HGSNAT: variants seen among roughly 807,000 people sequenced by gnomAD.
HGSNAT encodes the protein heparan-alpha-glucosaminide N-acetyltransferase.
A neutral mutation model predicts 85.2 loss-of-function variants in HGSNAT; 59 were observed. That is an observed-to-expected ratio of 0.69 (90% CI 0.56 to 0.86). The LOEUF is 0.86. Ranked by LOEUF, HGSNAT falls within the 40% of genes least tolerant of loss-of-function variation. The pLI is 0.00. For missense variants in HGSNAT, 756 were observed against 777.1 expected, an observed-to-expected ratio of 0.97 and a Z score of 0.32; for synonymous variants, 321 against 304.5, an observed-to-expected ratio of 1.05 and a Z score of -0.56.
In HGSNAT at chr8:43,201,635, C is replaced by T. The variant is rs1459420506; in HGVS notation, c.*2066C>T. On this transcript the variant is annotated 3_prime_UTR_variant, in exon 18 of 18. Transcript: ENST00000379644. The surrounding 1 kb of genome is among the most constrained non-coding windows in gnomAD (Gnocchi z 4.4). ...CTCTGGGTTCTTATAATGTTGGTAT[C>T]AATCTCACAGCATTTAGTGCTTCCT... The T allele has an allele frequency of 6.6e-6, 1 of 152,242 alleles. No individual in the cohort carries two copies. Among genetic ancestry groups the T allele is most frequent in the Non-Finnish European group, 1.5e-5 (1 of 68,072 alleles). The allele number at this position is 152,242 out of a possible 1,614,324, so 9.4% of individuals were successfully genotyped here.
chr8:43,197,405 C>A (rs1046408211), intron 15 of HGSNAT: 11 of 546,370 alleles, frequency 2.0e-5, no homozygotes, highest in African/African-American at 1.7e-4. Context: ...TCATCCTGAC[C>A]GCAGCCATGC....
At chr8:43,195,564 G>C (rs1465471416) in intron 14 of HGSNAT, among the ~76,000 whole-genome samples, 2 of 147,482 alleles carry the variant, frequency 1.4e-5, no homozygotes, top group Non-Finnish European at 3.0e-5. Context: ...GGAGGATGAG[G>C]AGGAAGAGGG....
At chr8:43,186,080 G>T in intron 11 of HGSNAT, among the ~76,000 whole-genome samples, 1 of 152,164 alleles carries the variant, frequency 6.6e-6, no homozygotes, top group Non-Finnish European at 1.5e-5. Context: ...GTTCATCAGG[G>T]ATATTGGTCT....
chr8:43,169,185 T>A lies in HGSNAT; in HGVS notation c.576T>A (p.Phe192Leu), dbSNP rs1563366828. 2 of 1,567,218 alleles carry A rather than the reference T, an allele frequency of 1.3e-6. No individual in the cohort carries two copies. ...TATTTATTTTCAGTTTGGATGACTT[T>A]AACAATTGGATTTCTAAAGCCATAA... ...FLRLLLSLDDFNNWISKAISS... is the reference protein window; with the variant it reads ...FLRLLLSLDDLNNWISKAISS... Residue 192 changes from phenylalanine to leucine, a missense_variant, in exon 6 of 18, where the codon TTT becomes TTA. Coordinates refer to ENST00000379644, the MANE Select transcript of HGSNAT (RefSeq NM_152419.3).
rs1433189448 is a variant in HGSNAT at position 43,192,203 on chromosome 8, C to T, written c.1251-101C>T. The T allele has an allele frequency of 7.5e-6, 10 of 1,340,378 alleles. No individual in the cohort carries two copies. In the East Asian group the frequency reaches 2.4e-4, roughly 32 times the overall value. 83.0% of individuals were successfully genotyped at this position (1,340,378 alleles called of 1,614,324 possible). On this transcript the variant is annotated intron_variant, in intron 12 of 17. Transcript: ENST00000379644. ...TTGGCCTCCCAAAGTGTTGGGATTA[C>T]AGGCGTGAGCCACCGTGCCCGGCCT... is the stretch of plus-strand genomic sequence containing the variant.
chr8:43,182,443 CTG>C (rs1329623436), intron 11 of HGSNAT, 183 bp downstream of exon 11: 4 of 648,420 alleles, frequency 6.2e-6, no homozygotes, highest in African/African-American at 3.8e-5. Context: ...TGGCCAGAAA[CTG>C]TGTTCTTGTT....
At chr8:43,152,020 G>C (rs1260553345) in intron 2 of HGSNAT, among the ~76,000 whole-genome samples, 1 of 152,206 alleles carries the variant, frequency 6.6e-6, no homozygotes, top group African/African-American at 2.4e-5. Context: ...TGGATGCAGT[G>C]GTTCATACGT....
At chr8:43,196,201 A>G in intron 14 of HGSNAT, 1 of 326,562 alleles carries the variant, frequency 3.1e-6, no homozygotes, top group Non-Finnish European at 6.0e-6. Context: ...GCAAGGATTG[A>G]ATAAGTTAAT....
chr8:43,181,271 C>T (rs537838853), intron 10 of HGSNAT, among the ~76,000 whole-genome samples: 1 of 150,566 alleles, frequency 6.6e-6, no homozygotes, highest in Non-Finnish European at 1.5e-5. Context: ...CGGCAGTTCA[C>T]GAATCCACCT....
chr8:43,151,832 A>G lies in HGSNAT; in HGVS notation c.234+4769A>G, dbSNP rs76431342. Among the ~76,000 whole-genome samples the G allele has an allele frequency of 1.8e-3, 273 of 152,324 alleles. 1 individual carries two copies. Among genetic ancestry groups the G allele is most frequent in the Non-Finnish European group, 2.9e-3 (196 of 68,024 alleles). ...TTTAGGTCTGTCTCATTTAACTTAC[A>G]ACACTCCAGTAGAGAGATTCTATCC... On this transcript the variant is annotated intron_variant, in intron 2 of 17. Transcript: ENST00000379644.
chr8:43,158,760 T>C, intron 3 of HGSNAT, 49 bp downstream of exon 3: 1 of 1,547,098 alleles, frequency 6.5e-7, no homozygotes, highest in Non-Finnish European at 8.7e-7. Context: ...ATTTTCTCTT[T>C]TTCTATTTTG....
At chr8:43,155,976 G>C (rs745615383) in intron 2 of HGSNAT, among the ~76,000 whole-genome samples, 61 of 152,204 alleles carry the variant, frequency 4.0e-4, no homozygotes, top group Middle Eastern at 6.8e-3. Context: ...GAGTAGCTGG[G>C]ATTATAGACA....
chr8:43,179,478 C>T (rs868613696), intron 10 of HGSNAT, among the ~76,000 whole-genome samples: 87 of 102,596 alleles, frequency 8.5e-4, no homozygotes, highest in East Asian at 7.5e-3. Context: ...ACGGGGCGGC[C>T]GGCCGGAAGG....
intron 8 of HGSNAT, among the ~76,000 whole-genome samples, chr8:43,172,624 T>G (rs567437818): frequency 2.0e-5 from 3 of 152,342 alleles, no homozygotes; most frequent in Admixed American, 1.3e-4. Flanking sequence ...TAACAGACTC[T>G]AGAAGTTTCT....
At position 43,199,711 on chromosome 8, in the gene HGSNAT, C is replaced by G. The variant is rs1804857444; in HGVS notation, c.*142C>G. 1 of 526,822 alleles carries G rather than the reference C, an allele frequency of 1.9e-6. No individual in the cohort carries two copies. Among genetic ancestry groups the G allele is most frequent in the Non-Finnish European group, 3.1e-6 (1 of 324,564 alleles). 32.6% of individuals were successfully genotyped at this position (526,822 alleles called of 1,614,324 possible). A position where few individuals can be genotyped will look rare whatever the true frequency, so the allele number is the denominator to read the frequency against. On this transcript the variant is annotated 3_prime_UTR_variant, in exon 18 of 18. Transcript: ENST00000379644. Reference sequence around the variant, plus strand: ...CTCTGGGGGAAGACACTGATGTCCTCAAACTGGTTAACTGTGACACGGCTC... The same window carrying G: ...CTCTGGGGGAAGACACTGATGTCCTGAAACTGGTTAACTGTGACACGGCTC...
chr8:43,153,934 G>T (rs1803003186), intron 2 of HGSNAT, among the ~76,000 whole-genome samples: 1 of 152,050 alleles, frequency 6.6e-6, no homozygotes, highest in African/African-American at 2.4e-5. Flanking sequence ...ACATTTCTTT[G>T]TCCATTCATC....
intron 7 of HGSNAT, 64 bp from the exon 8 acceptor site, chr8:43,172,246 C>G: frequency 9.1e-7 from 1 of 1,093,682 alleles, no homozygotes; most frequent in Non-Finnish European, 1.4e-6. Flanking sequence ...AATGTGTCTT[C>G]AGTTCAGCCC....
At chr8:43,198,032 C>A in intron 17 of HGSNAT, 80 bp downstream of exon 17, 2 of 1,023,738 alleles carry the variant, frequency 2.0e-6, no homozygotes, top group South Asian at 1.4e-5. Flanking sequence ...ATCCTTGGTG[C>A]TGGGGTCTTG....
rs1200184747 is a variant in HGSNAT, at chr8:43,182,207, G to A, written c.1075G>A (p.Val359Ile). 2 of 1,613,882 alleles carry A rather than the reference G, an allele frequency of 1.2e-6. No homozygotes were observed. Among genetic ancestry groups the A allele is most frequent in the Non-Finnish European group, 1.7e-6 (2 of 1,179,894 alleles). The change falls in exon 11 of 18, where the codon GTT (valine) becomes ATT (isoleucine). Residue 359 changes from valine to isoleucine, a missense_variant. Transcript: ENST00000379644. ...GCGATTGGGAGTGACATACTTTGTGGTTGCTGTGTTGGAGCTCCTCTTTGC... is the reference window on the plus strand; with the variant it reads ...GCGATTGGGAGTGACATACTTTGTGATTGCTGTGTTGGAGCTCCTCTTTGC... ...LQRLGVTYFV[V>I]AVLELLFAKP...
Sources: allele counts gnomAD v4.1 joint callset (sites outside exome capture counted in the v4.1 genomes callset), GRCh38; gene constraint gnomAD v4.1.1; non-coding constraint Gnocchi (gnomAD v3.1); transcripts MANE v1.5; gene names NCBI Gene and HGNC (gene_info 2026-07-23, HGNC 2026-07-21).